Variants in PTPRD observed in about 807,000 individuals in gnomAD.
PTPRD encodes protein tyrosine phosphatase receptor type D.
Under a neutral mutation model 214.5 loss-of-function variants are expected in PTPRD, and 34 were observed. That is an observed-to-expected ratio of 0.16 (90% confidence interval 0.12 to 0.21). PTPRD has a LOEUF of 0.21. Among genes scored for constraint, PTPRD ranks in the 10% least tolerant of loss-of-function variants. The probability of loss-of-function intolerance (pLI) is 1.00; values close to 1 mark genes in which losing one functional copy is unlikely to be tolerated. For missense variants in PTPRD, 2,545 were observed against 2,398.7 expected, an observed-to-expected ratio of 1.06 and a Z score of -1.27; for synonymous variants, 1,128 against 845.7, an observed-to-expected ratio of 1.33 and a Z score of -5.79.
chr9:8,934,371 G>C (rs2098974455), intron 11 of PTPRD, among the ~76,000 whole-genome samples: 1 of 137,758 alleles, frequency 7.3e-6, no homozygotes, highest in Non-Finnish European at 1.5e-5. Flanking sequence ...CTTTATAGAG[G>C]TGTAATTGAC....
At chr9:10,463,924 ATAGAAT>A (rs751415092) in intron 2 of PTPRD, among the ~76,000 whole-genome samples, 2 of 152,164 alleles carry the variant, frequency 1.3e-5, no homozygotes, top group Non-Finnish European at 2.9e-5. Flanking sequence ...AAAAAATAAA[ATAGAAT>A]TATAAATAAA....
chr9:9,419,020 A>T (rs2077830105), intron 8 of PTPRD, among the ~76,000 whole-genome samples: 1 of 151,642 alleles, frequency 6.6e-6, no homozygotes, highest in Admixed American at 6.6e-5. Context: ...TTTGCAGAAT[A>T]TTTTGTGCAA....
At chr9:10,297,800 G>GT (rs1676216815) in intron 3 of PTPRD, among the ~76,000 whole-genome samples, 1 of 152,104 alleles carries the variant, frequency 6.6e-6, no homozygotes, top group African/African-American at 2.4e-5. Flanking sequence ...TTTTGGTACA[G>GT]TAAGTATCTG....
At chr9:9,274,254 A>C (rs1323579482) in intron 9 of PTPRD, among the ~76,000 whole-genome samples, 1 of 151,254 alleles carries the variant, frequency 6.6e-6, no homozygotes, top group Non-Finnish European at 1.5e-5. Flanking sequence ...GTGTTTTACT[A>C]TGTTTGCTTC....
rs1027002516 is a variant in PTPRD at position 9,148,565 on chromosome 9, G to T, written c.-143+34739C>A. 3.8e-4 allele frequency among the ~76,000 whole-genome samples: 58 copies of T among 152,096 alleles called. 1 individual carries two copies. Among genetic ancestry groups the T allele is most frequent in the African/African-American group, 1.4e-3 (56 of 41,412 alleles). ...TGACATTTTTGCATCTACTATTGAA[G>T]ATGAGACTGCTTGGTCCCCATCAGA... is the stretch of plus-strand genomic sequence containing the variant. On this transcript the variant is annotated intron_variant, in intron 10 of 45. Transcript: ENST00000381196.
intron 8 of PTPRD, among the ~76,000 whole-genome samples, chr9:9,497,608 C>T (rs35233055): frequency 0.067 from 10,144 of 152,086 alleles, 421 homozygotes; most frequent in South Asian, 0.15. Context: ...AACATTTGTC[C>T]ATGTCAACGA....
chr9:10,036,432 G>C (rs756542149), intron 3 of PTPRD, among the ~76,000 whole-genome samples: 2 of 151,520 alleles, frequency 1.3e-5, no homozygotes, highest in African/African-American at 4.9e-5. Flanking sequence ...TCAGATCATA[G>C]CCCACCATAA....
At chr9:8,816,301 T>C (rs544345949) in intron 11 of PTPRD, among the ~76,000 whole-genome samples, 6 of 152,318 alleles carry the variant, frequency 3.9e-5, no homozygotes, top group African/African-American at 1.4e-4. Flanking sequence ...GATATAAAGG[T>C]CTGCGAGAGG....
intron 5 of PTPRD, among the ~76,000 whole-genome samples, chr9:9,922,221 G>T (rs1240963388): frequency 3.3e-5 from 5 of 152,070 alleles, no homozygotes; most frequent in African/African-American, 9.7e-5. Flanking sequence ...AAGTTCTAAG[G>T]TGGTTGCTCT....
At chr9:10,210,796 C>CATATATAT (rs35136618) in intron 3 of PTPRD, among the ~76,000 whole-genome samples, 2,756 of 75,214 alleles carry the variant, frequency 0.037, 36 homozygotes, top group Middle Eastern at 0.064. Context: ...CAAAAAACTT[C>CATATATAT]ATATATATAT....
intron 3 of PTPRD, among the ~76,000 whole-genome samples, chr9:10,119,669 A>C (rs1022501447): frequency 6.6e-6 from 1 of 152,010 alleles, no homozygotes; most frequent in Non-Finnish European, 1.5e-5. Flanking sequence ...CCCGCATGGA[A>C]ATAATAAAAT....
chr9:10,282,581 G>A (rs1365108836), intron 3 of PTPRD, among the ~76,000 whole-genome samples: 2 of 152,066 alleles, frequency 1.3e-5, no homozygotes, highest in East Asian at 1.9e-4. Context: ...TTACCCTAAT[G>A]TTAGCTATGA....
intron 5 of PTPRD, among the ~76,000 whole-genome samples, chr9:9,822,175 G>A (rs191244289): frequency 5.2e-4 from 78 of 150,656 alleles, no homozygotes; most frequent in Non-Finnish European, 7.1e-4. Flanking sequence ...CACTTTGGGA[G>A]GCTGAGGTGG....
intron 11 of PTPRD, among the ~76,000 whole-genome samples, chr9:8,870,687 AACACACACACACACACACACAC>A (rs3046878): frequency 6.1e-5 from 8 of 131,372 alleles, no homozygotes; most frequent in South Asian, 2.9e-4. Flanking sequence ...ACAGACATGA[AACACACACACACACACACACAC>A]ACACACACAC....
At chr9:10,384,496 T>C (rs1053261764) in intron 2 of PTPRD, among the ~76,000 whole-genome samples, 5 of 151,698 alleles carry the variant, frequency 3.3e-5, no homozygotes, top group African/African-American at 1.2e-4. Flanking sequence ...TTCAAAAATA[T>C]ATTGAAGTAC....
chr9:9,624,612 C>G (rs958508961), intron 7 of PTPRD, among the ~76,000 whole-genome samples: 1 of 152,048 alleles, frequency 6.6e-6, no homozygotes, highest in African/African-American at 2.4e-5. Flanking sequence ...GTTGTTTTAA[C>G]CACCATAACT....
chr9:9,095,731 A>G (rs915825264), intron 10 of PTPRD, among the ~76,000 whole-genome samples: 1 of 152,154 alleles, frequency 6.6e-6, no homozygotes, highest in Non-Finnish European at 1.5e-5. Flanking sequence ...CTACCATATG[A>G]CTCAGTAATC....
chr9:9,621,063 T>A (rs2095215019), intron 7 of PTPRD, among the ~76,000 whole-genome samples: 1 of 152,096 alleles, frequency 6.6e-6, no homozygotes, highest in Admixed American at 6.6e-5. Context: ...GGGAGGTAAA[T>A]AAACCCCTCA....
chr9:10,259,241 GTC>G (rs1159108415), intron 3 of PTPRD, among the ~76,000 whole-genome samples: 1 of 151,938 alleles, frequency 6.6e-6, no homozygotes, highest in Non-Finnish European at 1.5e-5. Context: ...AGTCAGGATG[GTC>G]TCTATCTCCT....
Sources: gnomAD v4.1 joint callset for allele counts (sites outside exome capture counted in the v4.1 genomes callset) on GRCh38, gnomAD v4.1.1 for gene constraint, MANE v1.5 for transcripts, NCBI Gene and HGNC (gene_info 2026-07-23, HGNC 2026-07-21) for gene names.